The following CCDC39 variants were observed in gnomAD, a reference collection of about 807,000 sequenced individuals.
CCDC39 encodes the protein coiled-coil domain-containing protein 39.
A neutral mutation model predicts 121.0 loss-of-function variants in CCDC39; 113 were observed. The observed-to-expected ratio is 0.93, with a 90% confidence interval of 0.80 to 1.09. CCDC39 has a LOEUF of 1.09. Among genes scored for constraint, CCDC39 ranks in the 50% least tolerant of loss-of-function variants. The pLI, the probability that CCDC39 is intolerant of heterozygous loss-of-function variation, is 0.00. For synonymous variants in CCDC39, 349 were observed against 352.2 expected, an observed-to-expected ratio of 0.99 and a Z score of 0.10; for missense variants, 1,063 against 1,074.7, an observed-to-expected ratio of 0.99 and a Z score of 0.15.
chr3:180,647,361 T>C (rs957699358), intron 10 of CCDC39, 118 bp from the exon 11 acceptor site: 2 of 818,488 alleles, frequency 2.4e-6, no homozygotes, highest in African/African-American at 1.7e-5. Context: ...TGTAATAAAG[T>C]CACTTTAGTC....
Position 180,661,877 on chromosome 3 carries a change from T to G in CCDC39, c.341A>C (p.Lys114Thr). 1.3e-6 allele frequency: 2 copies of G among 1,584,780 alleles called. No homozygotes were observed. The highest frequency in any genetic ancestry group is 1.2e-5 in the South Asian group (1 of 86,900). The change falls in exon 3 of 20, where the codon AAG becomes ACG. Residue 114 changes from lysine to threonine, a missense_variant. Transcript: ENST00000476379. ...AACATATACTTCTTTATCACTTTTC[T>G]TTTCCAGTATTGAAGCCATCTCATT... is the stretch of plus-strand genomic sequence containing the variant. ...LENEMASILE[K>T]KSDKENGIFK... is the part of the protein sequence containing the mutation.
At chr3:180,615,148 CA>C in intron 19 of CCDC39, 71 bp from the exon 20 acceptor site, 2 of 1,109,158 alleles carry the variant, frequency 1.8e-6, no homozygotes, top group East Asian at 5.6e-5. Flanking sequence ...TCATTATTGG[CA>C]AAAGGTACCA....
chr3:180,643,111 C>T (rs1172154559), intron 12 of CCDC39, among the ~76,000 whole-genome samples: 9 of 151,968 alleles, frequency 5.9e-5, no homozygotes, highest in Non-Finnish European at 1.3e-4. Flanking sequence ...AGGCGCCCGC[C>T]ACCACGCCCG....
At chr3:180,617,041 C>G (rs1717274071) in intron 16 of CCDC39, 75 bp from the exon 17 acceptor site, 1 of 805,148 alleles carries the variant, frequency 1.2e-6, no homozygotes, top group South Asian at 2.3e-5. Context: ...ATCAAGTATT[C>G]ATTTAATTTT....
At chr3:180,671,620 G>T (rs1298046967) in intron 1 of CCDC39, among the ~76,000 whole-genome samples, 1 of 152,160 alleles carries the variant, frequency 6.6e-6, no homozygotes, top group Non-Finnish European at 1.5e-5. Flanking sequence ...AGGTGCAGTG[G>T]TGTGATCTCG....
At chr3:180,677,168 T>TTATATATATATATATATATA (rs58408770) in intron 1 of CCDC39, among the ~76,000 whole-genome samples, 1 of 35,178 alleles carries the variant, frequency 2.8e-5, no homozygotes, top group Non-Finnish European at 5.3e-5. Context: ...AATAATAATT[T>TTATATATATATATATATATA]TATATATATA....
chr3:180,670,553 C>T (rs2108434167), intron 1 of CCDC39, among the ~76,000 whole-genome samples: 1 of 151,586 alleles, frequency 6.6e-6, no homozygotes, highest in Non-Finnish European at 1.5e-5. Flanking sequence ...GAAAAACACA[C>T]TTTACTGATT....
chr3:180,637,117 G>A lies in CCDC39; in HGVS notation c.1874+4876C>T, dbSNP rs144125386. ...AACTGAAGAGCTTCTGCACGGCAAA[G>A]TAAACTATCAACAGAGAAAACAGAC... On this transcript the variant is annotated intron_variant, in intron 13 of 19. Transcript: ENST00000476379. Among the ~76,000 whole-genome samples, 449 of 152,134 alleles carry A rather than the reference G, an allele frequency of 3.0e-3. 3 individuals are homozygous for A. The highest frequency in any genetic ancestry group is 7.1e-3 in the Admixed American group (109 of 15,272).
At chr3:180,626,295 A>C (rs1029655313) in intron 14 of CCDC39, among the ~76,000 whole-genome samples, 5 of 152,048 alleles carry the variant, frequency 3.3e-5, no homozygotes, top group African/African-American at 9.7e-5. Flanking sequence ...GGCATACTTG[A>C]GTACTTGGGG....
intron 12 of CCDC39, among the ~76,000 whole-genome samples, chr3:180,643,001 C>A (rs1277822313): frequency 6.6e-6 from 1 of 151,124 alleles, no homozygotes; most frequent in Non-Finnish European, 1.5e-5. Flanking sequence ...ACTCTGTCGC[C>A]CAGGCTGGAG....
At chr3:180,644,344 T>A (rs1403106949) in intron 11 of CCDC39, 87 bp from the exon 12 acceptor site, 3 of 713,848 alleles carry the variant, frequency 4.2e-6, no homozygotes, top group Non-Finnish European at 6.5e-6. Context: ...ATATCTTACA[T>A]TAAATTATAT....
intron 6 of CCDC39, among the ~76,000 whole-genome samples, chr3:180,658,239 C>CA (rs35457943): frequency 0.24 from 25,724 of 105,948 alleles, 2,592 homozygotes; most frequent in East Asian, 0.46. Flanking sequence ...AACTCAGTTT[C>CA]AAAAAAAAAA....
intron 14 of CCDC39, among the ~76,000 whole-genome samples, chr3:180,623,747 A>G (rs549910872): frequency 1.2e-3 from 181 of 151,892 alleles, no homozygotes; most frequent in Admixed American, 2.8e-3. Flanking sequence ...TTTAATTTCC[A>G]TATATCTGTA....
chr3:180,628,245 CTG>C (rs1717609999), intron 14 of CCDC39, among the ~76,000 whole-genome samples: 1 of 152,196 alleles, frequency 6.6e-6, no homozygotes, highest in African/African-American at 2.4e-5. Context: ...GAGTCTCACT[CTG>C]TCGCCCAGGC....
chr3:180,679,220 A>T lies in CCDC39; in HGVS notation c.90+71T>A. 1 of 1,078,358 alleles carries T rather than the reference A, an allele frequency of 9.3e-7. No homozygotes were observed. Among genetic ancestry groups the T allele is most frequent in the Non-Finnish European group, 1.4e-6 (1 of 690,706 alleles). The allele number at this position is 1,078,358 out of a possible 1,614,324, so 66.8% of individuals were successfully genotyped here. A position where few individuals can be genotyped will look rare whatever the true frequency, so the allele number is the denominator to read the frequency against. On this transcript the variant is annotated intron_variant, in intron 1 of 19. Transcript: ENST00000476379. This position sits in a 1 kb window ranked among gnomAD's most constrained non-coding sequence, Gnocchi z 4.0. ...AGGAGAGAAATAAAAGGGCTGGGGT[A>T]GTACTGCCAACCAGAAAACGCCCCC...
At chr3:180,677,210 A>G (rs1169142117) in intron 1 of CCDC39, among the ~76,000 whole-genome samples, 3 of 115,730 alleles carry the variant, frequency 2.6e-5, no homozygotes. Context: ...ATATATATAT[A>G]TATATAAAAT....
chr3:180,653,268 C>T (rs1331772387), intron 7 of CCDC39, among the ~76,000 whole-genome samples: 1 of 152,200 alleles, frequency 6.6e-6, no homozygotes, highest in Non-Finnish European at 1.5e-5. Context: ...GTACAAAACC[C>T]TTCTACAAAG....
Position 180,662,012 on chromosome 3 carries a change from A to G in CCDC39, c.211-5T>C. The stretch of plus-strand genomic sequence containing the variant: ...CTCCCTTGCTTTGCAAAGAGACTAC[A>G]GAATAACACACAAGATAAAAAGGCT... On this transcript the variant is annotated splice_region_variant and splice_polypyrimidine_tract_variant and intron_variant, in intron 2 of 19. Coordinates refer to ENST00000476379, the MANE Select transcript of CCDC39 (RefSeq NM_181426.2). 6.5e-7 allele frequency: 1 copy of G among 1,540,930 alleles called. No homozygotes were observed. Among genetic ancestry groups the G allele is most frequent in the Non-Finnish European group, 8.7e-7 (1 of 1,144,364 alleles).
At chr3:180,670,639 C>CTTTTTTTTTTTTT (rs573623299) in intron 1 of CCDC39, among the ~76,000 whole-genome samples, 9 of 120,360 alleles carry the variant, frequency 7.5e-5, no homozygotes, top group South Asian at 2.8e-4. Context: ...TTTTTTTTCT[C>CTTTTTTTTTTTTT]TTTTTTTTTT....
Sources: allele counts gnomAD v4.1 joint callset (sites outside exome capture counted in the v4.1 genomes callset), GRCh38; gene constraint gnomAD v4.1.1; non-coding constraint Gnocchi (gnomAD v3.1); transcripts MANE v1.5; gene names NCBI Gene and HGNC (gene_info 2026-07-23, HGNC 2026-07-21).